The following NUP50 variants were observed in gnomAD, a reference collection of about 807,000 sequenced individuals.
NUP50 encodes the protein nuclear pore complex protein Nup50.
In NUP50, 14 loss-of-function variants were observed where a neutral mutation model predicts 36.8. The observed-to-expected ratio is 0.38, with a 90% CI of 0.25 to 0.59. The LOEUF (loss-of-function observed/expected upper bound fraction) is 0.59. NUP50 is among the 20% of genes least tolerant of loss of function. NUP50 has a pLI of 0.63. For missense variants in NUP50, 455 were observed against 564.6 expected (o/e 0.81, Z 1.97); for synonymous variants, 195 against 210.8 (o/e 0.93, Z 0.65).
intron 2 of NUP50, chr22:45,171,078 GCACT>G: frequency 7.7e-7 from 1 of 1,299,658 alleles, no homozygotes; most frequent in Admixed American, 2.3e-5. Flanking sequence ...TGCTTTGAGC[GCACT>G]GTGGAAGAGC....
In NUP50 at chr22:45,184,881, G is replaced by C. The variant is rs1601794845; in HGVS notation, c.*226G>C. Reference sequence around the variant, plus strand: ...CCTAAAGTGTAAAATACATTTGAATGCAATTTTTGGAAGATTTTTTAATGT... The same window carrying C: ...CCTAAAGTGTAAAATACATTTGAATCCAATTTTTGGAAGATTTTTTAATGT... On this transcript the variant is annotated 3_prime_UTR_variant, in exon 8 of 8. Coordinates refer to ENST00000347635, the MANE Select transcript of NUP50 (RefSeq NM_007172.4). 3 of 560,136 alleles carry C rather than the reference G, an allele frequency of 5.4e-6. No individual in the cohort carries two copies. The East Asian group carries it at 9.2e-5, about 17-fold the overall frequency. 34.7% of individuals were successfully genotyped at this position (560,136 alleles called of 1,614,324 possible). A position where few individuals can be genotyped will look rare whatever the true frequency, so the allele number is the denominator to read the frequency against.
chr22:45,185,902 A>T lies in NUP50; in HGVS notation c.*1247A>T, dbSNP rs1346379843. 1 of 152,190 alleles carries T rather than the reference A, an allele frequency of 6.6e-6. No individual in the cohort carries two copies. The highest frequency in any genetic ancestry group is 1.9e-4 in the East Asian group (1 of 5,200). 9.4% of individuals were successfully genotyped at this position (152,190 alleles called of 1,614,324 possible). Reference sequence around the variant, plus strand: ...AATCATTTGAGACTAGTACCAGCTGATCTTGTGTACAGGCTCAGGGTCAGT... The same window carrying T: ...AATCATTTGAGACTAGTACCAGCTGTTCTTGTGTACAGGCTCAGGGTCAGT... On this transcript the variant is annotated 3_prime_UTR_variant, in exon 8 of 8. Coordinates refer to ENST00000347635, the MANE Select transcript of NUP50 (RefSeq NM_007172.4).
Position 45,176,062 on chromosome 22 carries a change from G to T in NUP50, c.322G>T (p.Asp108Tyr). 6.2e-7 allele frequency: 1 copy of T among 1,613,904 alleles called. No individual in the cohort carries two copies. The highest frequency in any genetic ancestry group is 1.3e-5 in the African/African-American group (1 of 75,054). Residue 108 changes from aspartate to tyrosine, a missense_variant, in exon 4 of 8, where the codon GAT (aspartate) becomes TAT (tyrosine). Asp to Tyr is a radical substitution (Grantham distance 160, BLOSUM62 -3). Transcript: ENST00000347635. Reference protein sequence around the residue: ...PPFASAKAAADPKVAFGSLAA... With the variant: ...PPFASAKAAAYPKVAFGSLAA... Reference sequence around the variant, plus strand: ...CTTCGCCAGTGCAAAGGCAGCGGCAGATCCCAAGGTAGCCTTTGGTAAGTA... The same window carrying T: ...CTTCGCCAGTGCAAAGGCAGCGGCATATCCCAAGGTAGCCTTTGGTAAGTA...
intron 3 of NUP50, among the ~76,000 whole-genome samples, chr22:45,173,360 G>A (rs968680608): frequency 5.0e-5 from 7 of 140,336 alleles, no homozygotes; most frequent in Non-Finnish European, 1.1e-4. Context: ...TTTTTGTCTG[G>A]TTTGATTTTA....
chr22:45,172,405 C>G (rs974559664), intron 3 of NUP50, among the ~76,000 whole-genome samples: 1 of 152,086 alleles, frequency 6.6e-6, no homozygotes, highest in Non-Finnish European at 1.5e-5. Context: ...TGTCTCTAAT[C>G]TGGAAATCCA....
chr22:45,182,128 A>AT (rs557875978), intron 6 of NUP50, among the ~76,000 whole-genome samples: 8,615 of 145,224 alleles, frequency 0.059, 645 homozygotes, highest in African/African-American at 0.17. Context: ...CAACTTTAAG[A>AT]TTTTTTTTTT....
intron 1 of NUP50, chr22:45,166,265 T>C (rs2074092018): frequency 6.7e-6 from 1 of 150,192 alleles, no homozygotes; most frequent in Admixed American, 6.7e-5. Flanking sequence ...TCTCCACAGC[T>C]AATTTTTTTT....
Position 45,184,929 on chromosome 22 carries a change from G to C in NUP50, c.*274G>C, listed in dbSNP as rs891701084. 1.4e-5 allele frequency: 6 copies of C among 442,406 alleles called. No individual in the cohort carries two copies. The highest frequency in any genetic ancestry group is 2.5e-5 in the Non-Finnish European group (6 of 241,814). The allele number at this position is 442,406 out of a possible 1,614,324, so 27.4% of individuals were successfully genotyped here. Reference sequence around the variant, plus strand: ...TGTTCGTTTATTAAACTAACCCTAAGTGATTTCTTCAAGGACTGCAATCAG... The same window carrying C: ...TGTTCGTTTATTAAACTAACCCTAACTGATTTCTTCAAGGACTGCAATCAG... On this transcript the variant is annotated 3_prime_UTR_variant, in exon 8 of 8. Coordinates refer to ENST00000347635, the MANE Select transcript of NUP50 (RefSeq NM_007172.4).
rs148879373 is a variant in NUP50, at chr22:45,173,946, C to T, written c.154-1948C>T. ...TAGGACAATTAAATGTCATGTCACC[C>T]ACCAGAATGCTGAAATGCGGCTTTT... On this transcript the variant is annotated intron_variant, in intron 3 of 7. Coordinates refer to ENST00000347635, the MANE Select transcript of NUP50 (RefSeq NM_007172.4). 1.3e-3 allele frequency among the ~76,000 whole-genome samples: 197 copies of T among 152,306 alleles called. 1 individual carries two copies. Among genetic ancestry groups the T allele is most frequent in the Non-Finnish European group, 2.1e-3 (145 of 68,034 alleles).
intron 1 of NUP50, 90 bp from the exon 2 acceptor site, chr22:45,168,078 A>G (rs1474141186): frequency 1.1e-6 from 1 of 934,600 alleles, no homozygotes; most frequent in East Asian, 2.7e-5. Flanking sequence ...AGATGTTTTT[A>G]TCTCACTTCA....
At chr22:45,174,434 C>T (rs1212363063) in intron 3 of NUP50, among the ~76,000 whole-genome samples, 3 of 152,274 alleles carry the variant, frequency 2.0e-5, no homozygotes, top group East Asian at 3.9e-4. Context: ...GTCTCGGCCT[C>T]CCAAAGTACT....
In NUP50 at chr22:45,178,487, T is replaced by C; in HGVS notation, c.590T>C (p.Ile197Thr). 3 of 1,612,478 alleles carry C rather than the reference T, an allele frequency of 1.9e-6. No individual in the cohort carries two copies. Among genetic ancestry groups the C allele is most frequent in the South Asian group, 1.1e-5 (1 of 91,006 alleles). ...GACTATGAGAAATATTTAGCAAACATTGAACAGCAACACGGGAACAGTGGC... is the reference window on the plus strand; with the variant it reads ...GACTATGAGAAATATTTAGCAAACACTGAACAGCAACACGGGAACAGTGGC... ...FKDYEKYLAN[I>T]EQQHGNSGRN... The change falls in exon 5 of 8, where the codon ATT becomes ACT. Residue 197 changes from isoleucine to threonine, a missense_variant. Transcript: ENST00000347635.
At chr22:45,172,581 A>C (rs2074212705) in intron 3 of NUP50, among the ~76,000 whole-genome samples, 1 of 151,830 alleles carries the variant, frequency 6.6e-6, no homozygotes. Context: ...CTTAAGGGAC[A>C]TGCAAGCTTA....
intron 4 of NUP50, 90 bp downstream of exon 4, chr22:45,176,170 T>C: frequency 7.2e-7 from 1 of 1,391,990 alleles, no homozygotes; most frequent in Non-Finnish European, 9.7e-7. Context: ...CTACCCTGTG[T>C]CTTGGAACTG....
At chr22:45,175,054 A>G (rs1056930482) in intron 3 of NUP50, among the ~76,000 whole-genome samples, 6 of 152,162 alleles carry the variant, frequency 3.9e-5, no homozygotes, top group Non-Finnish European at 5.9e-5. Context: ...TCGGTCTAAG[A>G]AGCAGATCAC....
intron 4 of NUP50, among the ~76,000 whole-genome samples, chr22:45,177,039 C>T (rs1391181132): frequency 6.6e-6 from 1 of 152,100 alleles, no homozygotes; most frequent in Non-Finnish European, 1.5e-5. Context: ...TGTGCCCGGC[C>T]TCTGTTAAGA....
chr22:45,170,284 T>G (rs955041571), intron 2 of NUP50, among the ~76,000 whole-genome samples: 1 of 151,886 alleles, frequency 6.6e-6, no homozygotes, highest in African/African-American at 2.4e-5. Context: ...TTTCTCTTTA[T>G]CTCTTTGTCT....
chr22:45,174,511 T>C (rs922495104), intron 3 of NUP50, among the ~76,000 whole-genome samples: 1 of 152,238 alleles, frequency 6.6e-6, no homozygotes, highest in African/African-American at 2.4e-5. Flanking sequence ...TTTACTCTCA[T>C]TTTTCTGAAT....
intron 3 of NUP50, among the ~76,000 whole-genome samples, chr22:45,173,455 T>TG (rs1233142159): frequency 6.6e-6 from 1 of 151,266 alleles, no homozygotes; most frequent in Non-Finnish European, 1.5e-5. Flanking sequence ...GGAAGATACA[T>TG]GGGGGGAGGG....
Sources: gnomAD v4.1 joint callset for allele counts (sites outside exome capture counted in the v4.1 genomes callset) on GRCh38, gnomAD v4.1.1 for gene constraint, MANE v1.5 for transcripts, NCBI Gene and HGNC (gene_info 2026-07-23, HGNC 2026-07-21) for gene names.